MGMT: variants seen among roughly 807,000 people sequenced by gnomAD.
The protein encoded by MGMT is O-6-methylguanine-DNA methyltransferase.
MGMT carries 14 observed loss-of-function variants against 15.9 expected under a neutral mutation model. The ratio of observed to expected loss-of-function variants is 0.88; its 90% CI spans 0.58 to 1.37. The LOEUF (loss-of-function observed/expected upper bound fraction) is 1.37, where lower values mean the gene tolerates loss of function less well. Ranked by LOEUF, MGMT falls within the 40% of genes most tolerant of loss-of-function variation. MGMT has a pLI of 0.00. For synonymous variants in MGMT, 130 were observed against 118.2 expected, an observed-to-expected ratio of 1.10 and a Z score of -0.65; for missense variants, 282 against 268.1, an observed-to-expected ratio of 1.05 and a Z score of -0.36.
intron 1 of MGMT, among the ~76,000 whole-genome samples, chr10:129,530,377 A>G (rs889286559): frequency 2.0e-5 from 3 of 152,170 alleles, no homozygotes; most frequent in African/African-American, 4.8e-5. Context: ...GTTGCAAGCA[A>G]CGTATGGTGT....
intron 1 of MGMT, among the ~76,000 whole-genome samples, chr10:129,523,673 A>G (rs1422257214): frequency 6.6e-6 from 1 of 150,640 alleles, no homozygotes; most frequent in African/African-American, 2.5e-5. Context: ...CTTCTCTTCT[A>G]ATGCATTCCC....
intron 2 of MGMT, among the ~76,000 whole-genome samples, chr10:129,600,988 T>C (rs1214364551): frequency 1.3e-5 from 2 of 151,952 alleles, no homozygotes; most frequent in African/African-American, 2.4e-5. Context: ...CAGAGTTGAG[T>C]ATGTAGCCTT....
At chr10:129,738,239 C>A (rs766299116) in intron 3 of MGMT, among the ~76,000 whole-genome samples, 7 of 152,202 alleles carry the variant, frequency 4.6e-5, no homozygotes, top group African/African-American at 7.2e-5. Context: ...AAGCCAGGTG[C>A]GGGATATAAT....
intron 1 of MGMT, among the ~76,000 whole-genome samples, chr10:129,519,651 C>T (rs886179189): frequency 6.6e-6 from 1 of 152,188 alleles, no homozygotes; most frequent in Non-Finnish European, 1.5e-5. Context: ...ATTCGGGACA[C>T]TGAGTCATAA....
chr10:129,474,605 C>T (rs987299484), intron 1 of MGMT, among the ~76,000 whole-genome samples: 6 of 152,156 alleles, frequency 3.9e-5, no homozygotes, highest in South Asian at 2.1e-4. Flanking sequence ...CGCGTTCAGG[C>T]GAGGATGGCA....
chr10:129,610,370 A>G (rs1222716440), intron 2 of MGMT, among the ~76,000 whole-genome samples: 1 of 152,174 alleles, frequency 6.6e-6, no homozygotes. Flanking sequence ...TTGCCAAACC[A>G]CTGTGCTCCA....
chr10:129,557,547 T>C (rs1211605673), intron 2 of MGMT, among the ~76,000 whole-genome samples: 1 of 152,222 alleles, frequency 6.6e-6, no homozygotes, highest in East Asian at 1.9e-4. Context: ...ATGTACACAC[T>C]AATGAATTTT....
At chr10:129,640,940 A>G (rs73388749) in intron 2 of MGMT, among the ~76,000 whole-genome samples, 5,114 of 152,326 alleles carry the variant, frequency 0.034, 218 homozygotes, top group African/African-American at 0.097. Flanking sequence ...TCCTAATGAT[A>G]AAAGATTGAA....
chr10:129,621,762 C>T (rs1389645550), intron 2 of MGMT, among the ~76,000 whole-genome samples: 5 of 152,178 alleles, frequency 3.3e-5, no homozygotes, highest in Non-Finnish European at 7.3e-5. Context: ...CCTTTCCTAT[C>T]GAATTTGCTT....
At chr10:129,553,677 T>C (rs1326017466) in intron 2 of MGMT, among the ~76,000 whole-genome samples, 6 of 152,188 alleles carry the variant, frequency 3.9e-5, no homozygotes, top group African/African-American at 1.2e-4. Context: ...ACAGAGATGG[T>C]GGCAGATCAG....
intron 3 of MGMT, among the ~76,000 whole-genome samples, chr10:129,729,883 G>A (rs532243060): frequency 1.2e-4 from 19 of 152,350 alleles, no homozygotes; most frequent in African/African-American, 3.8e-4. Context: ...CCTGGGTGGA[G>A]AGCAGTCAGA....
chr10:129,669,157 T>C (rs1025060779), intron 2 of MGMT, among the ~76,000 whole-genome samples: 1 of 152,192 alleles, frequency 6.6e-6, no homozygotes. Context: ...GGTTTCCTGA[T>C]ATTTTTGTTT....
chr10:129,622,332 A>C (rs561767907), intron 2 of MGMT, among the ~76,000 whole-genome samples: 1 of 152,362 alleles, frequency 6.6e-6, no homozygotes, highest in African/African-American at 2.4e-5. Flanking sequence ...TCCACTTTGA[A>C]AGCTCTGGAA....
chr10:129,507,142 G>T (rs190043111), intron 1 of MGMT, among the ~76,000 whole-genome samples: 1 of 152,322 alleles, frequency 6.6e-6, no homozygotes, highest in Non-Finnish European at 1.5e-5. Flanking sequence ...TGTGAGGACC[G>T]GGTGAAACAG....
At chr10:129,476,986 C>T (rs923272048) in intron 1 of MGMT, among the ~76,000 whole-genome samples, 1 of 152,092 alleles carries the variant, frequency 6.6e-6, no homozygotes, top group South Asian at 2.1e-4. Flanking sequence ...GCCTGTGGAC[C>T]CCTCTCTCAG....
chr10:129,522,777 C>G (rs897606810), intron 1 of MGMT, among the ~76,000 whole-genome samples: 4 of 152,164 alleles, frequency 2.6e-5, no homozygotes, highest in Non-Finnish European at 5.9e-5. Flanking sequence ...GAGGAACTTC[C>G]CCTCAGCCAG....
chr10:129,510,308 C>G (rs1537691), intron 1 of MGMT, among the ~76,000 whole-genome samples: 104,418 of 152,060 alleles, frequency 0.69, 37,200 homozygotes, highest in Middle Eastern at 0.81. Context: ...GAATTGACAC[C>G]TGAGAATGGG....
At chr10:129,539,116 G>C (rs1846016383) in intron 2 of MGMT, among the ~76,000 whole-genome samples, 2 of 152,036 alleles carry the variant, frequency 1.3e-5, no homozygotes, top group Non-Finnish European at 2.9e-5. Context: ...TTTAAATTTT[G>C]AACAAGTCCA....
chr10:129,582,816 C>T (rs953789155), intron 2 of MGMT, among the ~76,000 whole-genome samples: 1 of 152,154 alleles, frequency 6.6e-6, no homozygotes, highest in African/African-American at 2.4e-5. Context: ...CATGACCATC[C>T]TGGTGGCTTG....
Sources: allele counts gnomAD v4.1 joint callset (sites outside exome capture counted in the v4.1 genomes callset), GRCh38; gene constraint gnomAD v4.1.1; transcripts MANE v1.5; gene names NCBI Gene and HGNC (gene_info 2026-07-23, HGNC 2026-07-21).